The following HIBADH variants were observed in gnomAD, a reference collection of about 807,000 sequenced individuals.
HIBADH encodes the protein 3-hydroxyisobutyrate dehydrogenase, mitochondrial.
HIBADH carries 25 observed loss-of-function variants against 36.1 expected under a neutral mutation model. The observed-to-expected ratio is 0.69, with a 90% confidence interval of 0.50 to 0.97. The LOEUF is 0.97. Among genes scored for constraint, HIBADH ranks in the 50% least tolerant of loss-of-function variants. The probability of loss-of-function intolerance (pLI) is 0.00; values close to 1 mark genes in which losing one functional copy is unlikely to be tolerated. For missense variants in HIBADH, 421 were observed against 418.0 expected (o/e 1.01, Z -0.06); for synonymous variants, 160 against 149.5 (o/e 1.07, Z -0.51).
chr7:27,562,913 T>TA (rs927777625), intron 4 of HIBADH, among the ~76,000 whole-genome samples: 2 of 152,248 alleles, frequency 1.3e-5, no homozygotes, highest in Non-Finnish European at 2.9e-5. Flanking sequence ...TTCCTTTTTT[T>TA]ATTTTGAAAT....
intron 6 of HIBADH, among the ~76,000 whole-genome samples, chr7:27,535,218 C>T (rs967385365): frequency 6.6e-6 from 1 of 151,708 alleles, no homozygotes; most frequent in Non-Finnish European, 1.5e-5. Flanking sequence ...TAAAACCAGA[C>T]AGTATAGATA....
intron 4 of HIBADH, among the ~76,000 whole-genome samples, chr7:27,581,061 T>A (rs954333519): frequency 1.7e-4 from 26 of 152,048 alleles, no homozygotes; most frequent in African/African-American, 6.3e-4. Context: ...ACCAGAGGCA[T>A]AGAGACAAGA....
At chr7:27,567,814 G>A (rs977725825) in intron 4 of HIBADH, among the ~76,000 whole-genome samples, 1 of 152,036 alleles carries the variant, frequency 6.6e-6, no homozygotes, top group Admixed American at 6.6e-5. Flanking sequence ...TACATATATA[G>A]AAAATTCCAC....
At chr7:27,585,495 C>T (rs1784848717) in intron 4 of HIBADH, among the ~76,000 whole-genome samples, 1 of 152,054 alleles carries the variant, frequency 6.6e-6, no homozygotes, top group South Asian at 2.1e-4. Flanking sequence ...ACTGGGTGGC[C>T]CCAGATTAGC....
chr7:27,660,550 A>C (rs1288910695), intron 1 of HIBADH, among the ~76,000 whole-genome samples: 10 of 152,120 alleles, frequency 6.6e-5, no homozygotes, highest in Admixed American at 5.9e-4. Context: ...CTGTAGTCCC[A>C]GGTACTCCGG....
chr7:27,602,663 C>T (rs1183205287), intron 4 of HIBADH, among the ~76,000 whole-genome samples: 3 of 151,974 alleles, frequency 2.0e-5, no homozygotes, highest in African/African-American at 4.8e-5. Context: ...CATTGCTGAA[C>T]GTTTTACATT....
chr7:27,531,564 G>T (rs1277517788), intron 6 of HIBADH, among the ~76,000 whole-genome samples: 2 of 152,046 alleles, frequency 1.3e-5, no homozygotes, highest in Non-Finnish European at 2.9e-5. Flanking sequence ...GGACCATTTT[G>T]CATTTGGAGA....
At chr7:27,621,897 C>T (rs140071238) in intron 4 of HIBADH, among the ~76,000 whole-genome samples, 1,639 of 152,012 alleles carry the variant, frequency 0.011, 23 homozygotes, top group African/African-American at 0.032. Flanking sequence ...GGTGGGGTGG[C>T]GGGGAAACAT....
intron 6 of HIBADH, among the ~76,000 whole-genome samples, chr7:27,531,843 T>G (rs1471272819): frequency 6.6e-6 from 1 of 152,178 alleles, no homozygotes; most frequent in Non-Finnish European, 1.5e-5. Context: ...TTAGTTTTTA[T>G]GAGAATAAAT....
chr7:27,540,201 T>C (rs1784128013), intron 5 of HIBADH, among the ~76,000 whole-genome samples: 1 of 152,140 alleles, frequency 6.6e-6, no homozygotes, highest in African/African-American at 2.4e-5. Context: ...CAGAGAAGGG[T>C]CCATGTTGTA....
chr7:27,567,953 C>T (rs1255511247), intron 4 of HIBADH, among the ~76,000 whole-genome samples: 1 of 152,124 alleles, frequency 6.6e-6, no homozygotes, highest in Admixed American at 6.5e-5. Context: ...ATAAACCCAT[C>T]CTAAGTTGAA....
At chr7:27,650,485 TTTATTTATTTATTTA>T (rs1786165940) in intron 1 of HIBADH, among the ~76,000 whole-genome samples, 1 of 148,264 alleles carries the variant, frequency 6.7e-6, no homozygotes, top group African/African-American at 2.5e-5. Context: ...TATTTATTTA[TTTATTTATTTATTTA>T]TTTATTTTTT....
chr7:27,599,590 G>A (rs986137073), intron 4 of HIBADH, among the ~76,000 whole-genome samples: 2 of 145,642 alleles, frequency 1.4e-5, no homozygotes, highest in African/African-American at 5.2e-5. Flanking sequence ...GCTGAGGCAG[G>A]AGAATGGCGT....
intron 4 of HIBADH, among the ~76,000 whole-genome samples, chr7:27,602,581 T>C (rs939131906): frequency 6.6e-6 from 1 of 152,188 alleles, no homozygotes; most frequent in Admixed American, 6.5e-5. Context: ...CTTAGTCTTT[T>C]AGTTTTTAGA....
rs1785284499 is a variant in HIBADH, at chr7:27,609,295, G to C, written c.484+20076C>G. On this transcript the variant is annotated intron_variant, in intron 4 of 7. Coordinates refer to ENST00000265395, the MANE Select transcript of HIBADH (RefSeq NM_152740.4). ...GTTAAGAACTTAACACCTTATATAT[G>C]AATTACTGTCTATGACAACTGTTGC... Among the ~76,000 whole-genome samples, 3 of 152,094 alleles carry C rather than the reference G, an allele frequency of 2.0e-5. No individual in the cohort carries two copies. In the South Asian group the frequency reaches 6.2e-4, roughly 31 times the overall value.
At chr7:27,623,915 A>C (rs1485171332) in intron 4 of HIBADH, among the ~76,000 whole-genome samples, 1 of 152,188 alleles carries the variant, frequency 6.6e-6, no homozygotes, top group African/African-American at 2.4e-5. Flanking sequence ...CTCCCGCCTC[A>C]GCCTACCAAG....
Position 27,530,126 on chromosome 7 carries a change from CTTG to C in HIBADH, c.852+1063_852+1065del, listed in dbSNP as rs562737657. The stretch of plus-strand genomic sequence containing the variant: ...CTGGGAAACCAAAAAATTTGTGTGA[CTTG>C]TTGTGGTTGTCTGGAACTGAACCCA... On this transcript the variant is annotated intron_variant, in intron 7 of 7. Coordinates refer to ENST00000265395, the MANE Select transcript of HIBADH (RefSeq NM_152740.4). Among the ~76,000 whole-genome samples, 487 of 152,234 alleles carry C rather than the reference CTTG, an allele frequency of 3.2e-3. 6 individuals carry two copies. Among genetic ancestry groups the C allele is most frequent in the African/African-American group, 0.011 (457 of 41,548 alleles).
At position 27,634,846 on chromosome 7, in the gene HIBADH, C is replaced by T. The variant is rs74502216; in HGVS notation, c.253-2401G>A. Among the ~76,000 whole-genome samples, 321 of 152,344 alleles carry T rather than the reference C, an allele frequency of 2.1e-3. 1 individual carries two copies. Among genetic ancestry groups the T allele is most frequent in the African/African-American group, 7.4e-3 (306 of 41,574 alleles). ...CATAAACTGGCAGTGCCAATTCGGG[C>T]ACTTGCCAAGTGCATGGGGTGGCCA... On this transcript the variant is annotated intron_variant, in intron 2 of 7. Transcript: ENST00000265395.
At chr7:27,620,705 A>C (rs1351747347) in intron 4 of HIBADH, among the ~76,000 whole-genome samples, 1 of 152,186 alleles carries the variant, frequency 6.6e-6, no homozygotes, top group Non-Finnish European at 1.5e-5. Flanking sequence ...AAACACATGA[A>C]AGTATAAAAC....
Sources: gnomAD v4.1 joint callset for allele counts (sites outside exome capture counted in the v4.1 genomes callset) on GRCh38, gnomAD v4.1.1 for gene constraint, MANE v1.5 for transcripts, NCBI Gene and HGNC (gene_info 2026-07-23, HGNC 2026-07-21) for gene names.